Variants in ZNF385D observed in about 807,000 individuals in gnomAD.
ZNF385D encodes zinc finger protein 385D.
In ZNF385D, 15 loss-of-function variants were observed where a neutral mutation model predicts 35.8. The ratio of observed to expected loss-of-function variants is 0.42; its 90% CI spans 0.28 to 0.64. The LOEUF (loss-of-function observed/expected upper bound fraction) is 0.64. ZNF385D is among the 30% of genes least tolerant of loss of function. The probability of loss-of-function intolerance (pLI) is 0.23; values close to 1 mark genes in which losing one functional copy is unlikely to be tolerated. For missense variants in ZNF385D, 474 were observed against 494.6 expected (o/e 0.96, Z 0.39); for synonymous variants, 212 against 186.8 (o/e 1.13, Z -1.10).
rs2070053154 is a variant in ZNF385D at position 21,751,051 on chromosome 3, C to T, written c.-135G>A. On this transcript the variant is annotated 5_prime_UTR_variant, in exon 1 of 8. Transcript: ENST00000281523. ...CGTGGAGAGCAGTGAGCGCCGAGAG[C>T]GTGCCTCCTCCGCGGGATGAGCGCC... is the stretch of plus-strand genomic sequence containing the variant. 6.5e-7 allele frequency: 1 copy of T among 1,545,796 alleles called. No individual in the cohort carries two copies. The highest frequency in any genetic ancestry group is 8.7e-7 in the Non-Finnish European group (1 of 1,146,022).
In ZNF385D at chr3:22,209,496, A is replaced by G. The variant is rs796440321; in HGVS notation, c.107-40461T>C. Among the ~76,000 whole-genome samples the G allele has an allele frequency of 3.3e-5, 5 of 151,876 alleles. No homozygotes were observed. The South Asian group carries it at 8.3e-4, about 25-fold the overall frequency. ...CATATGGTGTTGTGTTATTTATATT[A>G]GTGTATTTATATACTAAATATGGCT... On this transcript the variant is annotated intron_variant, in intron 2 of 5. Transcript: ENST00000494108.
At chr3:21,605,294 A>G (rs2064444293) in intron 2 of ZNF385D, among the ~76,000 whole-genome samples, 1 of 152,214 alleles carries the variant, frequency 6.6e-6, no homozygotes, top group African/African-American at 2.4e-5. Context: ...AAGGATTTGT[A>G]TTGGACTCAG....
At position 22,103,803 on chromosome 3, in the gene ZNF385D, A is replaced by G. The variant is rs1184648815; in HGVS notation, c.325+65014T>C. 3.9e-5 allele frequency among the ~76,000 whole-genome samples: 6 copies of G among 152,040 alleles called. No individual in the cohort carries two copies. The South Asian group carries it at 1.2e-3, about 32-fold the overall frequency. ...TAATGGCCCAGTATCAGAATGGCAA[A>G]CTATGCCTTACCATAGTTGAGGGGG... On this transcript the variant is annotated intron_variant, in intron 3 of 5. Coordinates refer to the ZNF385D transcript ENST00000494108.
chr3:21,767,746 T>A (rs1196125794), intron 3 of ZNF385D, among the ~76,000 whole-genome samples: 1 of 151,986 alleles, frequency 6.6e-6, no homozygotes, highest in Non-Finnish European at 1.5e-5. Flanking sequence ...TTATATATTG[T>A]GATATGAATT....
At chr3:22,119,896 G>A (rs1702999031) in intron 3 of ZNF385D, among the ~76,000 whole-genome samples, 1 of 151,848 alleles carries the variant, frequency 6.6e-6, no homozygotes, top group African/African-American at 2.4e-5. Flanking sequence ...AACCCAGGCT[G>A]GAGTGCAGTG....
chr3:22,134,631 A>G (rs1011771608), intron 3 of ZNF385D, among the ~76,000 whole-genome samples: 1 of 152,142 alleles, frequency 6.6e-6, no homozygotes, highest in African/African-American at 2.4e-5. Context: ...TCCCTGTTTT[A>G]GTTCATTTTG....
chr3:21,616,053 CA>C (rs2064837472), intron 2 of ZNF385D, among the ~76,000 whole-genome samples: 2 of 151,816 alleles, frequency 1.3e-5, no homozygotes, highest in South Asian at 4.2e-4. Context: ...CAAGTTTGTT[CA>C]ATTTAAATAA....
intron 2 of ZNF385D, among the ~76,000 whole-genome samples, chr3:21,659,007 T>C (rs2066156251): frequency 6.6e-6 from 1 of 151,986 alleles, no homozygotes; most frequent in Non-Finnish European, 1.5e-5. Context: ...GTCAACTTCA[T>C]AGATAACCAT....
At position 21,417,739 on chromosome 3, in the gene ZNF385D, G is replaced by A. The variant is rs185315318; in HGVS notation, c.*3475C>T. ...AATTCTTAGTCTTTTATGATTTCCTGCTCTTTTAATTTTCAAGTACATATA... is the reference window on the plus strand; with the variant it reads ...AATTCTTAGTCTTTTATGATTTCCTACTCTTTTAATTTTCAAGTACATATA... On this transcript the variant is annotated 3_prime_UTR_variant, in exon 8 of 8. Coordinates refer to ENST00000281523, the MANE Select transcript of ZNF385D (RefSeq NM_024697.3). The A allele has an allele frequency of 5.7e-4, 87 of 152,096 alleles. No individual in the cohort carries two copies. In the Middle Eastern group the frequency reaches 0.014, roughly 24 times the overall value. 9.4% of individuals were successfully genotyped at this position (152,096 alleles called of 1,614,324 possible).
intron 3 of ZNF385D, among the ~76,000 whole-genome samples, chr3:22,154,884 T>C (rs1705489529): frequency 6.6e-6 from 1 of 152,164 alleles, no homozygotes. Context: ...GAAACATTCA[T>C]CTTCCATGAT....
chr3:21,975,084 A>T (rs1348646774), intron 3 of ZNF385D, among the ~76,000 whole-genome samples: 2 of 152,200 alleles, frequency 1.3e-5, no homozygotes, highest in Non-Finnish European at 2.9e-5. Flanking sequence ...CCCAAAAGAG[A>T]GAAAATCAGT....
intron 2 of ZNF385D, among the ~76,000 whole-genome samples, chr3:22,340,370 G>A (rs1420482670): frequency 1.3e-5 from 2 of 152,138 alleles, no homozygotes; most frequent in African/African-American, 4.8e-5. Flanking sequence ...AGTGAGGTGG[G>A]CGTGGTGGCT....
chr3:21,892,385 C>T (rs1001757419), intron 3 of ZNF385D, among the ~76,000 whole-genome samples: 1 of 152,156 alleles, frequency 6.6e-6, no homozygotes, highest in African/African-American at 2.4e-5. Flanking sequence ...CTCCAGATAT[C>T]TCTAAGAATA....
chr3:22,370,111 T>C (rs1241383443), intron 2 of ZNF385D, among the ~76,000 whole-genome samples: 2 of 152,180 alleles, frequency 1.3e-5, no homozygotes, highest in Non-Finnish European at 2.9e-5. Flanking sequence ...GTTTTGAAAA[T>C]ACTGTTTAAA....
chr3:22,138,349 G>T lies in ZNF385D; in HGVS notation c.325+30468C>A, dbSNP rs148213758. Among the ~76,000 whole-genome samples, 14 of 152,204 alleles carry T rather than the reference G, an allele frequency of 9.2e-5. No homozygotes were observed. The East Asian group carries it at 2.3e-3, about 25-fold the overall frequency. On this transcript the variant is annotated intron_variant, in intron 3 of 5. Coordinates refer to the ZNF385D transcript ENST00000494108. ...TTCATATGGAATCAAAATAGAACCC[G>T]CATTGCCAAGTGAGTCCTAAGCCAA...
intron 2 of ZNF385D, among the ~76,000 whole-genome samples, chr3:22,313,256 G>A (rs913683671): frequency 4.9e-5 from 7 of 143,792 alleles, no homozygotes; most frequent in Non-Finnish European, 1.1e-4. Flanking sequence ...TTGTGCGGTC[G>A]GGGGAGGGGG....
intron 5 of ZNF385D, 25 bp downstream of exon 5, chr3:21,436,945 C>T (rs778055582): frequency 6.2e-7 from 1 of 1,605,032 alleles, no homozygotes; most frequent in Non-Finnish European, 8.5e-7. Flanking sequence ...GCTGTTGAAA[C>T]AAAAAAGAAA....
chr3:21,853,086 A>G (rs1014330637), intron 3 of ZNF385D, among the ~76,000 whole-genome samples: 10 of 151,844 alleles, frequency 6.6e-5, no homozygotes, highest in Admixed American at 5.3e-4. Context: ...GACTTCAAAG[A>G]AATTGAAAAG....
At chr3:21,509,314 C>T (rs1450286295) in intron 4 of ZNF385D, among the ~76,000 whole-genome samples, 5 of 152,136 alleles carry the variant, frequency 3.3e-5, no homozygotes, top group Admixed American at 6.5e-5. Flanking sequence ...CATCAAAAGG[C>T]TTCAGGATTT....
Sources: gnomAD v4.1 joint callset for allele counts (sites outside exome capture counted in the v4.1 genomes callset) on GRCh38, gnomAD v4.1.1 for gene constraint, MANE v1.5 for transcripts, NCBI Gene and HGNC (gene_info 2026-07-23, HGNC 2026-07-21) for gene names.